Variants in PTPRD observed in about 807,000 individuals in gnomAD.
PTPRD encodes receptor-type tyrosine-protein phosphatase delta.
A neutral mutation model predicts 214.5 loss-of-function variants in PTPRD; 34 were observed. That is an observed-to-expected ratio of 0.16 (90% CI 0.12 to 0.21). The LOEUF (loss-of-function observed/expected upper bound fraction) is 0.21, where lower values mean the gene tolerates loss of function less well. Among genes scored for constraint, PTPRD ranks in the 10% least tolerant of loss-of-function variants. The probability of loss-of-function intolerance (pLI) is 1.00; values close to 1 mark genes in which losing one functional copy is unlikely to be tolerated. For missense variants in PTPRD, 2,545 were observed against 2,398.7 expected (o/e 1.06, Z -1.27); for synonymous variants, 1,128 against 845.7 (o/e 1.33, Z -5.79).
intron 8 of PTPRD, among the ~76,000 whole-genome samples, chr9:9,401,904 T>C (rs112181653): frequency 1.3e-5 from 2 of 152,026 alleles, no homozygotes; most frequent in African/African-American, 4.8e-5. Flanking sequence ...TCCGCCATTA[T>C]TGTAAGTTTC....
At chr9:10,484,329 T>A (rs1332354226) in intron 2 of PTPRD, among the ~76,000 whole-genome samples, 1 of 152,046 alleles carries the variant, frequency 6.6e-6, no homozygotes, top group Non-Finnish European at 1.5e-5. Context: ...TACCCCTACC[T>A]ATTGTGTTAC....
chr9:10,007,461 C>G (rs2096505059), intron 4 of PTPRD, among the ~76,000 whole-genome samples: 1 of 151,956 alleles, frequency 6.6e-6, no homozygotes, highest in Non-Finnish European at 1.5e-5. Flanking sequence ...AAGAGGCGTT[C>G]TGAATTACTT....
At chr9:10,067,383 A>G (rs1018648217) in intron 3 of PTPRD, among the ~76,000 whole-genome samples, 2 of 151,854 alleles carry the variant, frequency 1.3e-5, no homozygotes, top group African/African-American at 2.4e-5. Flanking sequence ...ATCAGTTTTA[A>G]AACTGTCATC....
intron 2 of PTPRD, among the ~76,000 whole-genome samples, chr9:10,548,898 T>C (rs2060722032): frequency 6.6e-6 from 1 of 152,172 alleles, no homozygotes; most frequent in African/African-American, 2.4e-5. Flanking sequence ...TTAATGTGCA[T>C]AAAATTCTGG....
chr9:8,404,319 G>C (rs1265693243), intron 36 of PTPRD, among the ~76,000 whole-genome samples: 1 of 151,972 alleles, frequency 6.6e-6, no homozygotes, highest in Non-Finnish European at 1.5e-5. Flanking sequence ...AGTAGAGATG[G>C]GTTTTCAGCA....
rs186932159 is a variant in PTPRD at position 9,612,715 on chromosome 9, C to T, written c.-286-37934G>A. Among the ~76,000 whole-genome samples the T allele has an allele frequency of 3.5e-4, 52 of 150,210 alleles. 1 individual carries two copies. The East Asian group carries it at 0.01, about 29-fold the overall frequency. On this transcript the variant is annotated intron_variant, in intron 7 of 45. Coordinates refer to ENST00000381196, the MANE Select transcript of PTPRD (RefSeq NM_002839.4). ...ATATAAGAAAAACAAATTTGAGAGCCAAAAGAAAAAAAAAGGAGATACATA... is the reference window on the plus strand; with the variant it reads ...ATATAAGAAAAACAAATTTGAGAGCTAAAAGAAAAAAAAAGGAGATACATA...
intron 3 of PTPRD, among the ~76,000 whole-genome samples, chr9:10,076,632 T>C (rs944955596): frequency 6.6e-6 from 1 of 152,108 alleles, no homozygotes; most frequent in Non-Finnish European, 1.5e-5. Context: ...CTGTCATATA[T>C]GAGCCTTGCC....
intron 14 of PTPRD, among the ~76,000 whole-genome samples, chr9:8,575,451 G>A (rs2092186611): frequency 6.6e-6 from 1 of 152,038 alleles, no homozygotes; most frequent in South Asian, 2.1e-4. Flanking sequence ...CATATGTGCT[G>A]GTGAACTCTT....
intron 4 of PTPRD, among the ~76,000 whole-genome samples, chr9:9,971,625 G>C (rs1587818473): frequency 6.6e-6 from 1 of 152,096 alleles, no homozygotes; most frequent in South Asian, 2.1e-4. Flanking sequence ...TTACTTTTTA[G>C]TATTTGTATA....
At chr9:9,348,080 A>G (rs2049593528) in intron 9 of PTPRD, among the ~76,000 whole-genome samples, 1 of 152,272 alleles carries the variant, frequency 6.6e-6, no homozygotes, top group African/African-American at 2.4e-5. Context: ...CAATCAAGCT[A>G]GAGAGTTGAT....
At chr9:8,533,321 C>T (rs928378797) in intron 14 of PTPRD, among the ~76,000 whole-genome samples, 2 of 151,918 alleles carry the variant, frequency 1.3e-5, no homozygotes, top group South Asian at 2.1e-4. Flanking sequence ...GACTCTGACC[C>T]CAACTGATTT....
At chr9:8,563,256 T>G (rs558812766) in intron 14 of PTPRD, among the ~76,000 whole-genome samples, 1 of 152,216 alleles carries the variant, frequency 6.6e-6, no homozygotes, top group Non-Finnish European at 1.5e-5. Context: ...ACAGCCAAGA[T>G]GGAGGAATTA....
chr9:8,519,806 G>A (rs1349509535), intron 20 of PTPRD, among the ~76,000 whole-genome samples: 1 of 152,142 alleles, frequency 6.6e-6, no homozygotes, highest in Non-Finnish European at 1.5e-5. Flanking sequence ...AAAAGACAGG[G>A]AAGTGGCAAG....
At chr9:8,366,186 A>C (rs555385449) in intron 39 of PTPRD, among the ~76,000 whole-genome samples, 1 of 152,366 alleles carries the variant, frequency 6.6e-6, no homozygotes, top group East Asian at 1.9e-4. Flanking sequence ...TCTCCCTTTC[A>C]GACATTAAAT....
At chr9:10,219,809 C>T (rs1187749368) in intron 3 of PTPRD, among the ~76,000 whole-genome samples, 2 of 151,500 alleles carry the variant, frequency 1.3e-5, no homozygotes, top group East Asian at 3.9e-4. Context: ...TTTCACTACC[C>T]TTGTTTTACT....
intron 21 of PTPRD, among the ~76,000 whole-genome samples, chr9:8,516,403 C>G (rs886465142): frequency 1.3e-5 from 2 of 152,188 alleles, no homozygotes; most frequent in East Asian, 1.9e-4. Context: ...AATCCATGAA[C>G]AAGCCAATAA....
chr9:8,657,114 G>GTCACATGTA (rs1397116542), intron 12 of PTPRD, among the ~76,000 whole-genome samples: 1 of 150,986 alleles, frequency 6.6e-6, no homozygotes, highest in African/African-American at 2.4e-5. Context: ...ATGTTTGTTG[G>GTCACATGTA]TCACATGTAT....
chr9:9,806,211 C>T (rs1049204596), intron 5 of PTPRD, among the ~76,000 whole-genome samples: 1 of 151,982 alleles, frequency 6.6e-6, no homozygotes, highest in African/African-American at 2.4e-5. Context: ...AGGCAACCAT[C>T]AGAAGATGGT....
rs983108026 is a variant in PTPRD at position 8,664,056 on chromosome 9, G to A, written c.65-27212C>T. On this transcript the variant is annotated intron_variant, in intron 12 of 45. Transcript: ENST00000381196. ...TTTCATTATCTCTACCATGTCGAGAGGATATTAACTTTTATTTTAACCAAC... is the reference window on the plus strand; with the variant it reads ...TTTCATTATCTCTACCATGTCGAGAAGATATTAACTTTTATTTTAACCAAC... Among the ~76,000 whole-genome samples, 6 of 152,182 alleles carry A rather than the reference G, an allele frequency of 3.9e-5. No individual in the cohort carries two copies. The East Asian group carries it at 1.2e-3, about 30-fold the overall frequency.
Sources: allele counts gnomAD v4.1 joint callset (sites outside exome capture counted in the v4.1 genomes callset), GRCh38; gene constraint gnomAD v4.1.1; transcripts MANE v1.5; gene names NCBI Gene and HGNC (gene_info 2026-07-23, HGNC 2026-07-21).